Variants in PPM1L observed in about 807,000 individuals in gnomAD.
PPM1L encodes the protein protein phosphatase 1L.
PPM1L carries 13 observed loss-of-function variants against 31.4 expected under a neutral mutation model. The observed-to-expected ratio is 0.41, with a 90% CI of 0.27 to 0.66. PPM1L has a LOEUF of 0.66. PPM1L is among the 30% of genes least tolerant of loss of function. The pLI, the probability that PPM1L is intolerant of heterozygous loss-of-function variation, is 0.29. For missense variants in PPM1L, 326 were observed against 453.7 expected, an observed-to-expected ratio of 0.72 and a Z score of 2.56; for synonymous variants, 184 against 175.4, an observed-to-expected ratio of 1.05 and a Z score of -0.39.
intron 2 of PPM1L, among the ~76,000 whole-genome samples, chr3:161,019,126 A>G (rs1405381329): frequency 1.3e-5 from 2 of 152,188 alleles, no homozygotes; most frequent in African/African-American, 2.4e-5. Context: ...AGATAATACT[A>G]TAGATGATGC....
At position 160,786,127 on chromosome 3, in the gene PPM1L, T is replaced by C. The variant is rs564553968; in HGVS notation, c.399+29420T>C. Reference sequence around the variant, plus strand: ...GTTGGATAAAGATGGAATCTCATTTTTCTCTCTCTCTCTCTCTCTCTCTCT... The same window carrying C: ...GTTGGATAAAGATGGAATCTCATTTCTCTCTCTCTCTCTCTCTCTCTCTCT... On this transcript the variant is annotated intron_variant, in intron 1 of 3. Coordinates refer to ENST00000498165, the MANE Select transcript of PPM1L (RefSeq NM_139245.4). 9.4e-3 allele frequency among the ~76,000 whole-genome samples: 977 copies of C among 103,988 alleles called. 15 individuals carry two copies. Among genetic ancestry groups the C allele is most frequent in the Admixed American group, 0.052 (461 of 8,912 alleles). 68.2% of individuals were successfully genotyped at this position (103,988 alleles called of 152,430 possible).
chr3:160,779,073 A>G (rs1387909300), intron 1 of PPM1L, among the ~76,000 whole-genome samples: 1 of 146,416 alleles, frequency 6.8e-6, no homozygotes, highest in Non-Finnish European at 1.5e-5. Flanking sequence ...GTTTCCTGTT[A>G]TTACATTTTT....
At chr3:160,982,609 G>T (rs778192440) in intron 2 of PPM1L, among the ~76,000 whole-genome samples, 3 of 152,174 alleles carry the variant, frequency 2.0e-5, no homozygotes, top group African/African-American at 7.2e-5. Context: ...CCCAGCAGTT[G>T]CCCTCAGTAC....
chr3:160,996,160 G>T (rs1301033732), intron 2 of PPM1L, among the ~76,000 whole-genome samples: 2 of 152,192 alleles, frequency 1.3e-5, no homozygotes, highest in Non-Finnish European at 2.9e-5. Flanking sequence ...CATGGATGTG[G>T]TGAAAAGGGA....
intron 1 of PPM1L, among the ~76,000 whole-genome samples, chr3:160,772,715 AT>A (rs1294532767): frequency 8.6e-5 from 13 of 152,036 alleles, no homozygotes; most frequent in African/African-American, 2.9e-4. Flanking sequence ...TTCTTTTTCC[AT>A]TCTCCTACCC....
intron 3 of PPM1L, among the ~76,000 whole-genome samples, chr3:161,066,382 A>C (rs1719739918): frequency 6.6e-6 from 1 of 151,102 alleles, no homozygotes; most frequent in Admixed American, 6.6e-5. Context: ...AGACATTAAC[A>C]AAAAAAAATA....
intron 1 of PPM1L, among the ~76,000 whole-genome samples, chr3:160,925,106 C>G (rs1204760843): frequency 6.6e-6 from 1 of 152,156 alleles, no homozygotes; most frequent in East Asian, 1.9e-4. Flanking sequence ...TATACCTAAT[C>G]ATTGAAATCA....
chr3:160,966,465 A>G (rs1253260012), intron 2 of PPM1L, among the ~76,000 whole-genome samples: 1 of 152,148 alleles, frequency 6.6e-6, no homozygotes, highest in Non-Finnish European at 1.5e-5. Context: ...ACATTATTAC[A>G]TAAGCACTTC....
intron 2 of PPM1L, among the ~76,000 whole-genome samples, chr3:160,992,723 C>T (rs1717175140): frequency 6.6e-6 from 1 of 152,176 alleles, no homozygotes; most frequent in African/African-American, 2.4e-5. Context: ...GGAAGAGACC[C>T]TCTCTTTCCT....
intron 2 of PPM1L, 96 bp downstream of exon 2, chr3:160,962,006 A>G: frequency 1.2e-6 from 1 of 867,660 alleles, no homozygotes; most frequent in Non-Finnish European, 1.7e-6. Flanking sequence ...GGCAAACTAG[A>G]TTCAAAGTTA....
intron 1 of PPM1L, among the ~76,000 whole-genome samples, chr3:160,771,465 A>C (rs1715254047): frequency 6.7e-6 from 1 of 148,946 alleles, no homozygotes; most frequent in Admixed American, 6.7e-5. Flanking sequence ...CTGGTCTTGA[A>C]CTTCTGAGCT....
At chr3:160,768,471 A>AT (rs1448805494) in intron 1 of PPM1L, among the ~76,000 whole-genome samples, 1 of 152,098 alleles carries the variant, frequency 6.6e-6, no homozygotes, top group Non-Finnish European at 1.5e-5. Flanking sequence ...GATATTAATA[A>AT]TTTTTTCTCT....
intron 1 of PPM1L, among the ~76,000 whole-genome samples, chr3:160,873,341 A>T (rs894930780): frequency 3.3e-5 from 5 of 152,188 alleles, no homozygotes; most frequent in Non-Finnish European, 7.3e-5. Flanking sequence ...GGCTAATTAG[A>T]TGCTTATGTG....
intron 1 of PPM1L, among the ~76,000 whole-genome samples, chr3:160,782,699 A>G (rs1711783983): frequency 1.3e-5 from 2 of 152,190 alleles, no homozygotes; most frequent in Admixed American, 1.3e-4. Context: ...CTGTGTTTTT[A>G]TTATTCCAGA....
At chr3:160,957,577 C>CCT (rs779769888) in intron 1 of PPM1L, among the ~76,000 whole-genome samples, 1 of 129,210 alleles carries the variant, frequency 7.7e-6, no homozygotes, top group Admixed American at 8.1e-5. Context: ...TATTATTTGA[C>CCT]TTTTTTTTTT....
At chr3:160,885,265 G>A (rs1389156857) in intron 1 of PPM1L, among the ~76,000 whole-genome samples, 1 of 152,124 alleles carries the variant, frequency 6.6e-6, no homozygotes, top group African/African-American at 2.4e-5. Context: ...TAAAAGCTAT[G>A]AAGAAAAATA....
At chr3:160,981,856 A>G (rs543432916) in intron 2 of PPM1L, among the ~76,000 whole-genome samples, 2 of 151,900 alleles carry the variant, frequency 1.3e-5, no homozygotes, top group East Asian at 3.9e-4. Flanking sequence ...TCTGCCTCCC[A>G]GGTTCAAGTG....
In PPM1L at chr3:161,078,794, T is replaced by C. The variant is rs1720190121; in HGVS notation, c.*9637T>C. Reference sequence around the variant, plus strand: ...GTAGAATTAGCCTTGTAGAGACTAATGTGTTCATGCTATCTCTGATCCTGT... The same window carrying C: ...GTAGAATTAGCCTTGTAGAGACTAACGTGTTCATGCTATCTCTGATCCTGT... On this transcript the variant is annotated 3_prime_UTR_variant, in exon 4 of 4. Transcript: ENST00000498165. 2 of 152,216 alleles carry C rather than the reference T, an allele frequency of 1.3e-5. No homozygotes were observed. Among genetic ancestry groups the C allele is most frequent in the South Asian group, 4.1e-4 (2 of 4,834 alleles). 9.4% of individuals were successfully genotyped at this position (152,216 alleles called of 1,614,324 possible).
At position 160,795,695 on chromosome 3, in the gene PPM1L, G is replaced by A. The variant is rs996898309; in HGVS notation, c.399+38988G>A. On this transcript the variant is annotated intron_variant, in intron 1 of 3. Transcript: ENST00000498165. ...GGCAAATTTATCTTGATACAATATCGAACAATTTAAAAGTAATACAGATCA... is the reference window on the plus strand; with the variant it reads ...GGCAAATTTATCTTGATACAATATCAAACAATTTAAAAGTAATACAGATCA... 4.6e-5 allele frequency among the ~76,000 whole-genome samples: 7 copies of A among 152,092 alleles called. No individual in the cohort carries two copies. In the East Asian group the frequency reaches 7.7e-4, roughly 17 times the overall value.
Sources: gnomAD v4.1 joint callset for allele counts (sites outside exome capture counted in the v4.1 genomes callset) on GRCh38, gnomAD v4.1.1 for gene constraint, MANE v1.5 for transcripts, NCBI Gene and HGNC (gene_info 2026-07-23, HGNC 2026-07-21) for gene names.